ZNF638: variants seen among roughly 807,000 people sequenced by gnomAD.
ZNF638 encodes the protein CTCL tumor antigen se33-1.
Under a neutral mutation model 195.6 loss-of-function variants are expected in ZNF638, and 46 were observed. The ratio of observed to expected loss-of-function variants is 0.24; its 90% CI spans 0.19 to 0.30. The LOEUF (loss-of-function observed/expected upper bound fraction) is 0.30, where lower values mean the gene tolerates loss of function less well. Ranked by LOEUF, ZNF638 falls within the 10% of genes least tolerant of loss-of-function variation. The pLI is 1.00. For missense variants in ZNF638, 2,440 were observed against 2,325.3 expected, an observed-to-expected ratio of 1.05 and a Z score of -1.01; for synonymous variants, 845 against 772.0, an observed-to-expected ratio of 1.09 and a Z score of -1.57.
intron 12 of ZNF638, among the ~76,000 whole-genome samples, chr2:71,399,125 T>C (rs1310984173): frequency 6.6e-6 from 1 of 152,182 alleles, no homozygotes; most frequent in African/African-American, 2.4e-5. Flanking sequence ...CTTAGATGCT[T>C]GTTACTTTTA....
At position 71,426,889 on chromosome 2, in the gene ZNF638, C is replaced by G. The variant is rs1319998164; in HGVS notation, c.5020C>G (p.Leu1674Val). Reference sequence around the variant, plus strand: ...TCTGTCAGTGGCTGAAGAACAAGATCTCCTCAAACAGGAACGCTTGGTAAC... The same window carrying G: ...TCTGTCAGTGGCTGAAGAACAAGATGTCCTCAAACAGGAACGCTTGGTAAC... ...TVLSVAEEQDLLKQERLVTVD... is the reference protein window; with the variant it reads ...TVLSVAEEQDVLKQERLVTVD... The change falls in exon 24 of 28, where the codon CTC (leucine) becomes GTC (valine). Residue 1674 changes from leucine (L) to valine (V), a missense_variant. Physicochemically the swap from Leu to Val is conservative, Grantham distance 32. Coordinates refer to ENST00000264447, the MANE Select transcript of ZNF638 (RefSeq NM_014497.5). The G allele has an allele frequency of 8.7e-6, 14 of 1,614,172 alleles. No individual in the cohort carries two copies. The East Asian group carries it at 8.9e-5, about 10-fold the overall frequency.
intron 27 of ZNF638, 170 bp downstream of exon 27, chr2:71,433,453 C>G: frequency 1.8e-6 from 1 of 560,260 alleles, no homozygotes; most frequent in East Asian, 3.0e-5. Context: ...AATTTCTAGT[C>G]CTTATTCCTT....
chr2:71,434,505 A>G (rs1318133215), intron 27 of ZNF638, among the ~76,000 whole-genome samples: 3 of 152,168 alleles, frequency 2.0e-5, no homozygotes, highest in East Asian at 1.9e-4. Context: ...TTATTGTATA[A>G]AAGATTCTAT....
chr2:71,356,793 A>T (rs565266086), intron 3 of ZNF638, among the ~76,000 whole-genome samples: 126 of 151,520 alleles, frequency 8.3e-4, no homozygotes, highest in Non-Finnish European at 1.5e-3. Flanking sequence ...AAAAAAAAAA[A>T]ATTTTTTTTT....
chr2:71,353,607 G>A (rs1324466157), intron 2 of ZNF638, among the ~76,000 whole-genome samples: 2 of 152,196 alleles, frequency 1.3e-5, no homozygotes, highest in African/African-American at 2.4e-5. Context: ...GCAAGCCTAA[G>A]AATGTGTGTA....
In ZNF638 at chr2:71,380,532, A is replaced by G. The variant is rs145489685; in HGVS notation, c.2344A>G (p.Lys782Glu). 1.7e-4 allele frequency: 278 copies of G among 1,605,518 alleles called. No individual in the cohort carries two copies. The highest frequency in any genetic ancestry group is 6.7e-5 in the African/African-American group (5 of 74,522). The change falls in exon 10 of 28, where the codon AAA becomes GAA. Residue 782 changes from lysine to glutamate, a missense_variant. By Grantham distance (56) the Lys-to-Glu change is moderately conservative (BLOSUM62 1). Around this residue, in one of 5 missense-constraint regions of ZNF638, gnomAD observed 1,883 missense variants for 1,739.1 expected, o/e 1.08. Coordinates refer to ENST00000264447, the MANE Select transcript of ZNF638 (RefSeq NM_014497.5). ...AAATAGAAGAGATGCAGATGCTTCA[A>G]AAGCTGTTGAAATTGTTACTTCAAC... ...STLKRDADAS[K>E]AVEIVTSTSA...
At chr2:71,350,398 C>A in intron 2 of ZNF638, 127 bp downstream of exon 2, 2 of 936,166 alleles carry the variant, frequency 2.1e-6, no homozygotes, top group Non-Finnish European at 3.2e-6. Context: ...TAATTGCAAC[C>A]TCAATACATA....
Position 71,423,068 on chromosome 2 carries a change from C to T in ZNF638, c.3554C>T (p.Ser1185Leu). ...KEEIPLVASA[S>L]VSIEQFTENA... ...GAAATTCCTCTTGTAGCATCCGCTT[C>T]AGTCAGTATTGAACAATTCACTGAA... Residue 1185 changes from serine to leucine, a missense_variant, in exon 22 of 28, where the codon TCA becomes TTA. Around this residue, in one of 5 missense-constraint regions of ZNF638, gnomAD observed 1,883 missense variants for 1,739.1 expected, o/e 1.08. Transcript: ENST00000264447. The T allele has an allele frequency of 1.2e-6, 2 of 1,614,126 alleles. No individual in the cohort carries two copies. Among genetic ancestry groups the T allele is most frequent in the South Asian group, 2.2e-5 (2 of 91,084 alleles).
intron 1 of ZNF638, among the ~76,000 whole-genome samples, chr2:71,345,119 T>G (rs1306139312): frequency 6.6e-6 from 1 of 152,174 alleles, no homozygotes; most frequent in African/African-American, 2.4e-5. Context: ...ATGCTATATT[T>G]TAATTATTTT....
intron 20 of ZNF638, among the ~76,000 whole-genome samples, chr2:71,414,027 T>G (rs1223113778): frequency 4.5e-5 from 6 of 131,914 alleles, no homozygotes; most frequent in African/African-American, 8.5e-5. Context: ...CTTTTTCTGT[T>G]GATTGGAATA....
intron 17 of ZNF638, 21 bp from the exon 18 acceptor site, chr2:71,405,580 T>G (rs770827631): frequency 1.3e-6 from 2 of 1,502,196 alleles, no homozygotes; most frequent in Admixed American, 2.0e-5. Context: ...CCATCAACCT[T>G]TATCTATTTT....
At chr2:71,417,418 T>C (rs1027362506) in intron 20 of ZNF638, among the ~76,000 whole-genome samples, 3 of 151,982 alleles carry the variant, frequency 2.0e-5, no homozygotes, top group Non-Finnish European at 2.9e-5. Context: ...CAGATGGAAA[T>C]GCAGAAATCA....
At chr2:71,374,119 T>G (rs2079373314) in intron 8 of ZNF638, 1 of 152,278 alleles carries the variant, frequency 6.6e-6, no homozygotes. Context: ...AGCCACTGTT[T>G]CTGGCCTGCT....
intron 10 of ZNF638, among the ~76,000 whole-genome samples, chr2:71,381,495 T>G (rs560315634): frequency 6.6e-6 from 1 of 152,116 alleles, no homozygotes; most frequent in South Asian, 2.1e-4. Flanking sequence ...TGTGAAGAGA[T>G]AAAATGTGGA....
chr2:71,388,637 A>T, intron 10 of ZNF638: 1 of 843,082 alleles, frequency 1.2e-6, no homozygotes, highest in Non-Finnish European at 2.1e-6. Context: ...GGTGGATCAG[A>T]CTCAGCAGCT....
At chr2:71,420,804 C>T (rs772497656) in intron 21 of ZNF638, among the ~76,000 whole-genome samples, 9 of 152,082 alleles carry the variant, frequency 5.9e-5, no homozygotes, top group Admixed American at 3.9e-4. Flanking sequence ...AATATTGAGG[C>T]TTTTTTCCCA....
chr2:71,410,288 C>T (rs1046912190), intron 20 of ZNF638, among the ~76,000 whole-genome samples: 1 of 152,118 alleles, frequency 6.6e-6, no homozygotes, highest in Non-Finnish European at 1.5e-5. Context: ...TGGGCTTAAG[C>T]GATCCTCTCA....
chr2:71,405,564 C>T lies in ZNF638; in HGVS notation c.2959-37C>T, dbSNP rs1297182701. ...AAGTAAGTATTTGTATGAGAAAGAGCTTATACCATCAACCTTTATCTATTT... is the reference window on the plus strand; with the variant it reads ...AAGTAAGTATTTGTATGAGAAAGAGTTTATACCATCAACCTTTATCTATTT... On this transcript the variant is annotated intron_variant, in intron 17 of 27. Transcript: ENST00000264447. The T allele has an allele frequency of 5.2e-6, 7 of 1,342,068 alleles. No individual in the cohort carries two copies. The African/African-American group carries it at 7.4e-5, about 14-fold the overall frequency. The allele number at this position is 1,342,068 out of a possible 1,614,324, so 83.1% of individuals were successfully genotyped here.
chr2:71,373,415 T>C lies in ZNF638; in HGVS notation c.2265+3410T>C, dbSNP rs539834769. 5.3e-5 allele frequency among the ~76,000 whole-genome samples: 8 copies of C among 151,188 alleles called. No individual in the cohort carries two copies. The South Asian group carries it at 1.7e-3, about 32-fold the overall frequency. ...TTCTTACAGTCTGTTGCTTGTGTTATGCATACATATATCAAGTTTGAATTT... is the reference window on the plus strand; with the variant it reads ...TTCTTACAGTCTGTTGCTTGTGTTACGCATACATATATCAAGTTTGAATTT... On this transcript the variant is annotated intron_variant, in intron 8 of 27. Transcript: ENST00000264447.
Sources: allele counts gnomAD v4.1 joint callset (sites outside exome capture counted in the v4.1 genomes callset), GRCh38; gene constraint gnomAD v4.1.1; regional missense constraint gnomAD v4.1.1; transcripts MANE v1.5; gene names NCBI Gene and HGNC (gene_info 2026-07-23, HGNC 2026-07-21).